Variants in HCFC2 observed in about 807,000 individuals in gnomAD.
HCFC2 encodes the protein host cell factor C2.
Under a neutral mutation model 89.2 loss-of-function variants are expected in HCFC2, and 18 were observed. The ratio of observed to expected loss-of-function variants is 0.20; its 90% CI spans 0.14 to 0.30. HCFC2 has a LOEUF of 0.30. HCFC2 is among the 10% of genes least tolerant of loss of function. The pLI is 1.00. For synonymous variants in HCFC2, 308 were observed against 335.7 expected (o/e 0.92, Z 0.90); for missense variants, 578 against 956.1 (o/e 0.60, Z 5.21).
chr12:104,067,898 G>T (rs781651128), intron 2 of HCFC2, 49 bp from the exon 3 acceptor site: 1 of 1,526,042 alleles, frequency 6.6e-7, no homozygotes, highest in South Asian at 1.3e-5. Context: ...CAATATAGGA[G>T]TGCTTTCTTG....
rs981566745 is a variant in HCFC2 at position 104,106,459 on chromosome 12, T to G, written c.*3186T>G. ...ACTGTTGTGTTTTTCAAGACTGATT[T>G]TAGGCAGTTTTATGTATCGTGTACC... On this transcript the variant is annotated 3_prime_UTR_variant, in exon 15 of 15. Transcript: ENST00000229330. 1.3e-5 allele frequency: 2 copies of G among 152,116 alleles called. No individual in the cohort carries two copies. Among genetic ancestry groups the G allele is most frequent in the Non-Finnish European group, 2.9e-5 (2 of 67,992 alleles). The allele number at this position is 152,116 out of a possible 1,614,324, so 9.4% of individuals were successfully genotyped here. A position where few individuals can be genotyped will look rare whatever the true frequency, so the allele number is the denominator to read the frequency against.
chr12:104,081,619 A>G (rs1473470648), intron 5 of HCFC2, among the ~76,000 whole-genome samples: 1 of 150,684 alleles, frequency 6.6e-6, no homozygotes, highest in African/African-American at 2.4e-5. Flanking sequence ...TTTTTTTTAA[A>G]TAAACTCAAA....
intron 3 of HCFC2, among the ~76,000 whole-genome samples, chr12:104,070,801 CTTTTTTT>C (rs35437369): frequency 5.6e-5 from 7 of 125,008 alleles, no homozygotes; most frequent in Admixed American, 1.8e-4. Flanking sequence ...ATACTTTTTA[CTTTTTTT>C]TTTTTTTTTT....
At chr12:104,074,751 T>C (rs935039621) in intron 3 of HCFC2, among the ~76,000 whole-genome samples, 9 of 152,182 alleles carry the variant, frequency 5.9e-5, no homozygotes, top group African/African-American at 2.2e-4. Context: ...GTATTGTCTT[T>C]ATATGGGGGA....
intron 2 of HCFC2, among the ~76,000 whole-genome samples, chr12:104,067,413 G>A (rs1001615160): frequency 3.3e-5 from 5 of 152,168 alleles, no homozygotes; most frequent in Admixed American, 2.0e-4. Context: ...TCCCTAGGGC[G>A]GTGATCATGC....
rs2030050674 is a variant in HCFC2, at chr12:104,105,088, A to G, written c.*1815A>G. The G allele has an allele frequency of 6.6e-6, 1 of 152,068 alleles. No individual in the cohort carries two copies. Among genetic ancestry groups the G allele is most frequent in the Non-Finnish European group, 1.5e-5 (1 of 67,892 alleles). The allele number at this position is 152,068 out of a possible 1,614,324, so 9.4% of individuals were successfully genotyped here. ...ATCATTTGTCTAGCTTCTGTAATGT[A>G]TCTGATATAGGCTAAACAAATACTT... On this transcript the variant is annotated 3_prime_UTR_variant, in exon 15 of 15. Coordinates refer to ENST00000229330, the MANE Select transcript of HCFC2 (RefSeq NM_013320.3).
rs1381582854 is a variant in HCFC2, at chr12:104,104,540, A to G, written c.*1267A>G. 1.3e-5 allele frequency: 2 copies of G among 152,034 alleles called. No homozygotes were observed. The highest frequency in any genetic ancestry group is 4.8e-5 in the African/African-American group (2 of 41,452). The allele number at this position is 152,034 out of a possible 1,614,324, so 9.4% of individuals were successfully genotyped here. A position where few individuals can be genotyped will look rare whatever the true frequency, so the allele number is the denominator to read the frequency against. On this transcript the variant is annotated 3_prime_UTR_variant, in exon 15 of 15. Coordinates refer to ENST00000229330, the MANE Select transcript of HCFC2 (RefSeq NM_013320.3). ...CAGGGGCACAGGTCTATCTTTTTTT[A>G]TACCACATAACCTTATGCCAGTTTA...
chr12:104,100,739 A>G (rs1187165050), intron 13 of HCFC2, among the ~76,000 whole-genome samples: 5 of 152,186 alleles, frequency 3.3e-5, no homozygotes, highest in African/African-American at 1.2e-4. Flanking sequence ...TTTTTCATAC[A>G]GAATTTTTCT....
In HCFC2 at chr12:104,105,885, C is replaced by T. The variant is rs2136633465; in HGVS notation, c.*2612C>T. On this transcript the variant is annotated 3_prime_UTR_variant, in exon 15 of 15. Coordinates refer to ENST00000229330, the MANE Select transcript of HCFC2 (RefSeq NM_013320.3). Reference sequence around the variant, plus strand: ...AGTTAAATGACTTTCTTTACTCTTCCCAGTCAGGTAAGCAGTTCAAATATA... The same window carrying T: ...AGTTAAATGACTTTCTTTACTCTTCTCAGTCAGGTAAGCAGTTCAAATATA... 6.6e-6 allele frequency: 1 copy of T among 152,072 alleles called. No homozygotes were observed. Among genetic ancestry groups the T allele is most frequent in the Admixed American group, 6.5e-5 (1 of 15,284 alleles). The allele number at this position is 152,072 out of a possible 1,614,324, so 9.4% of individuals were successfully genotyped here.
At chr12:104,088,204 C>T (rs920786382) in intron 9 of HCFC2, among the ~76,000 whole-genome samples, 166 bp downstream of exon 9, 1 of 152,218 alleles carries the variant, frequency 6.6e-6, no homozygotes, top group Admixed American at 6.5e-5. Context: ...TTCCCAAGCT[C>T]TTCCTCAAAT....
chr12:104,082,447 C>G, intron 5 of HCFC2, 53 bp from the exon 6 acceptor site: 1 of 1,173,728 alleles, frequency 8.5e-7, no homozygotes, highest in Non-Finnish European at 1.3e-6. Context: ...ACTTCAAATC[C>G]AAGAAGTAAA....
chr12:104,066,246 T>C lies in HCFC2; in HGVS notation c.243T>C (p.Gly81=), dbSNP rs576063620. 2.5e-6 allele frequency: 4 copies of C among 1,612,666 alleles called. No homozygotes were observed. In the East Asian group the frequency reaches 8.9e-5, roughly 36 times the overall value. Reference sequence around the variant, plus strand: ...CTGCCCATGGATTTGTCTGTGATGGTACCAGAATATTAGTATTTGGGGGAA... The same window carrying C: ...CTGCCCATGGATTTGTCTGTGATGGCACCAGAATATTAGTATTTGGGGGAA... ...GCAAHGFVCD[G]TRILVFGGMV... is the part of the protein sequence containing the mutation. Residue 81 remains glycine, a synonymous_variant, in exon 2 of 15, where the codon GGT becomes GGC. Transcript: ENST00000229330.
At position 104,103,446 on chromosome 12, in the gene HCFC2, G is replaced by T; in HGVS notation, c.*173G>T. 1.7e-6 allele frequency: 1 copy of T among 586,686 alleles called. No homozygotes were observed. The highest frequency in any genetic ancestry group is 3.2e-5 in the Admixed American group (1 of 31,070). The allele number at this position is 586,686 out of a possible 1,614,324, so 36.3% of individuals were successfully genotyped here. A position where few individuals can be genotyped will look rare whatever the true frequency, so the allele number is the denominator to read the frequency against. On this transcript the variant is annotated 3_prime_UTR_variant, in exon 15 of 15. Coordinates refer to ENST00000229330, the MANE Select transcript of HCFC2 (RefSeq NM_013320.3). The stretch of plus-strand genomic sequence containing the variant: ...AATTATAGATCCAAATAAAAGAAAA[G>T]AAGCAAAGACTCTCTGAAAATTAGT...
At chr12:104,072,238 G>A (rs1484892978) in intron 3 of HCFC2, among the ~76,000 whole-genome samples, 1 of 152,102 alleles carries the variant, frequency 6.6e-6, no homozygotes, top group African/African-American at 2.4e-5. Context: ...CGGGTGTAGT[G>A]GTATGTGCCT....
At chr12:104,072,277 C>T (rs1288595131) in intron 3 of HCFC2, among the ~76,000 whole-genome samples, 1 of 151,156 alleles carries the variant, frequency 6.6e-6, no homozygotes, top group Non-Finnish European at 1.5e-5. Flanking sequence ...GGGGCCAGAG[C>T]AGGAGGATTG....
chr12:104,086,209 G>C (rs1883838516), intron 7 of HCFC2, among the ~76,000 whole-genome samples: 1 of 152,012 alleles, frequency 6.6e-6, no homozygotes, highest in African/African-American at 2.4e-5. Flanking sequence ...TGTTGGCCAG[G>C]CTGCCTTGGC....
chr12:104,071,316 A>G (rs892374982), intron 3 of HCFC2, among the ~76,000 whole-genome samples: 1 of 152,254 alleles, frequency 6.6e-6, no homozygotes, highest in Middle Eastern at 3.4e-3. Flanking sequence ...TTTTTCATGT[A>G]TTAGCTTTTG....
intron 7 of HCFC2, among the ~76,000 whole-genome samples, chr12:104,086,619 A>AAAATAAATAAATAAAT (rs58372181): frequency 4.2e-4 from 62 of 146,558 alleles, no homozygotes; most frequent in Middle Eastern, 3.4e-3. Flanking sequence ...TTTGTCTAAG[A>AAAATAAATAAATAAAT]AAATAAATAA....
At chr12:104,083,067 T>G (rs1347386203) in intron 7 of HCFC2, among the ~76,000 whole-genome samples, 166 bp downstream of exon 7, 1 of 152,196 alleles carries the variant, frequency 6.6e-6, no homozygotes, top group Non-Finnish European at 1.5e-5. Flanking sequence ...AGTATATAAT[T>G]ATCCTCTCCT....
Sources: allele counts gnomAD v4.1 joint callset (sites outside exome capture counted in the v4.1 genomes callset), GRCh38; gene constraint gnomAD v4.1.1; transcripts MANE v1.5; gene names NCBI Gene and HGNC (gene_info 2026-07-23, HGNC 2026-07-21).